CCDC148: variants seen among roughly 807,000 people sequenced by gnomAD.
CCDC148 encodes coiled-coil domain-containing protein 148.
CCDC148 carries 89 observed loss-of-function variants against 85.7 expected under a neutral mutation model. That is an observed-to-expected ratio of 1.04 (90% CI 0.87 to 1.24). The LOEUF (loss-of-function observed/expected upper bound fraction) is 1.24. Among genes scored for constraint, CCDC148 ranks in the 50% most tolerant of loss-of-function variants. The pLI, the probability that CCDC148 is intolerant of heterozygous loss-of-function variation, is 0.00. For missense variants in CCDC148, 692 were observed against 671.7 expected (o/e 1.03, Z -0.33); for synonymous variants, 230 against 213.9 (o/e 1.08, Z -0.66).
Position 158,244,921 on chromosome 2 carries a change from T to A in CCDC148, c.1251+5851A>T, listed in dbSNP as rs914817541. 1.3e-4 allele frequency among the ~76,000 whole-genome samples: 20 copies of A among 152,306 alleles called. 1 individual carries two copies. Among genetic ancestry groups the A allele is most frequent in the Middle Eastern group, 6.8e-3 (2 of 292 alleles). ...CAGAGTTTAAAGCCTGGGAATTTTT[T>A]AAAAAATCATTCTTCTGTGCTCACC... On this transcript the variant is annotated intron_variant, in intron 10 of 13. Coordinates refer to ENST00000283233, the MANE Select transcript of CCDC148 (RefSeq NM_138803.4).
Position 158,281,421 on chromosome 2 carries a change from G to A in CCDC148, c.1110+28012C>T, listed in dbSNP as rs559114207. On this transcript the variant is annotated intron_variant, in intron 9 of 13. Transcript: ENST00000283233. ...GAAAAGAGAGAAGAATCAAATAGACGCAATAAAAAATGATAAAGGGGATAT... is the reference window on the plus strand; with the variant it reads ...GAAAAGAGAGAAGAATCAAATAGACACAATAAAAAATGATAAAGGGGATAT... Among the ~76,000 whole-genome samples the A allele has an allele frequency of 4.1e-3, 620 of 152,052 alleles. 3 individuals carry two copies. The highest frequency in any genetic ancestry group is 0.013 in the African/African-American group (541 of 41,478).
At chr2:158,318,310 G>A (rs1396260859) in intron 7 of CCDC148, among the ~76,000 whole-genome samples, 1 of 152,132 alleles carries the variant, frequency 6.6e-6, no homozygotes, top group Non-Finnish European at 1.5e-5. Flanking sequence ...GGCTCTACCA[G>A]TCTGGCTACT....
intron 2 of CCDC148, among the ~76,000 whole-genome samples, chr2:158,351,714 G>A (rs1158276852): frequency 4.6e-5 from 7 of 152,156 alleles, no homozygotes; most frequent in South Asian, 4.2e-4. Flanking sequence ...CCAACTGGGC[G>A]GAGCCCACCA....
In CCDC148 at chr2:158,406,615, T is replaced by TTTTTTTTCTGTTTTTTTTTTTG. The variant is rs1337404869; in HGVS notation, c.26-48046_26-48045insCAAAAAAAAAAACAGAAAAAAA. 1.5e-3 allele frequency among the ~76,000 whole-genome samples: 101 copies of TTTTTTTTCTGTTTTTTTTTTTG among 67,976 alleles called. 8 individuals carry two copies. Among genetic ancestry groups the TTTTTTTTCTGTTTTTTTTTTTG allele is most frequent in the Non-Finnish European group, 2.5e-3 (89 of 35,574 alleles). 44.6% of individuals were successfully genotyped at this position (67,976 alleles called of 152,430 possible). On this transcript the variant is annotated intron_variant, in intron 1 of 13. Coordinates refer to ENST00000283233, the MANE Select transcript of CCDC148 (RefSeq NM_138803.4). ...AGCCAGTTAAACAGATTAAATTTCT[T>TTTTTTTTCTGTTTTTTTTTTTG]TTTTTTTTTTTTTTTTTTTTTTTTT... is the stretch of plus-strand genomic sequence containing the variant.
chr2:158,321,886 A>G (rs1692535102), intron 7 of CCDC148, among the ~76,000 whole-genome samples: 1 of 152,164 alleles, frequency 6.6e-6, no homozygotes, highest in Admixed American at 6.6e-5. Context: ...CTCTTTTGGC[A>G]AAACTTTCAC....
intron 9 of CCDC148, among the ~76,000 whole-genome samples, chr2:158,292,324 C>T (rs1250839800): frequency 3.9e-5 from 6 of 152,132 alleles, no homozygotes; most frequent in Admixed American, 3.3e-4. Context: ...ACCAAGCAGG[C>T]ACCGGGTTCA....
chr2:158,209,798 G>C (rs749864798), intron 11 of CCDC148, among the ~76,000 whole-genome samples: 4 of 152,144 alleles, frequency 2.6e-5, no homozygotes, highest in Admixed American at 6.6e-5. Flanking sequence ...TGCCTTACAA[G>C]AGCTCCTGAA....
At chr2:158,225,731 GA>G (rs1164259017) in intron 10 of CCDC148, among the ~76,000 whole-genome samples, 2 of 152,182 alleles carry the variant, frequency 1.3e-5, no homozygotes, top group Non-Finnish European at 2.9e-5. Context: ...AATGAAGGCA[GA>G]AATAAAGATG....
intron 1 of CCDC148, among the ~76,000 whole-genome samples, chr2:158,428,235 T>C (rs954122202): frequency 3.9e-5 from 6 of 152,054 alleles, no homozygotes; most frequent in Non-Finnish European, 8.8e-5. Flanking sequence ...GTGGCAATGA[T>C]GAGAAGTAAA....
chr2:158,255,607 C>T (rs989114399), intron 9 of CCDC148, among the ~76,000 whole-genome samples: 47 of 151,546 alleles, frequency 3.1e-4, no homozygotes, highest in African/African-American at 1.1e-3. Context: ...AATATTAGTA[C>T]AATAGACTAA....
intron 1 of CCDC148, among the ~76,000 whole-genome samples, chr2:158,390,288 G>C (rs1320806126): frequency 6.6e-6 from 1 of 152,100 alleles, no homozygotes; most frequent in Non-Finnish European, 1.5e-5. Flanking sequence ...CAAAGGGATA[G>C]AAGGACCAAA....
At chr2:158,330,137 T>C (rs1413189904) in intron 7 of CCDC148, among the ~76,000 whole-genome samples, 1 of 152,208 alleles carries the variant, frequency 6.6e-6, no homozygotes, top group Admixed American at 6.5e-5. Flanking sequence ...TGATATTGGC[T>C]GTGGGTTTGT....
At chr2:158,389,588 A>G (rs541893546) in intron 1 of CCDC148, among the ~76,000 whole-genome samples, 58 of 152,336 alleles carry the variant, frequency 3.8e-4, no homozygotes, top group African/African-American at 1.3e-3. Flanking sequence ...TCTTCATTTT[A>G]AAATCATTTC....
intron 9 of CCDC148, among the ~76,000 whole-genome samples, chr2:158,271,350 T>A (rs1689690592): frequency 6.6e-6 from 1 of 152,182 alleles, no homozygotes. Context: ...GTTAGAAACA[T>A]ATTAAATGGA....
chr2:158,349,562 TA>T (rs1189564168), intron 2 of CCDC148, among the ~76,000 whole-genome samples: 3 of 152,018 alleles, frequency 2.0e-5, no homozygotes, highest in Non-Finnish European at 4.4e-5. Context: ...GAGTTGTATT[TA>T]ATTTCCAGTT....
intron 9 of CCDC148, among the ~76,000 whole-genome samples, chr2:158,268,259 T>C (rs892913736): frequency 6.6e-6 from 1 of 152,136 alleles, no homozygotes; most frequent in Non-Finnish European, 1.5e-5. Flanking sequence ...TGTCAGAGTT[T>C]GGAGGGCTAG....
intron 1 of CCDC148, among the ~76,000 whole-genome samples, chr2:158,417,244 C>A (rs949125653): frequency 6.6e-6 from 1 of 152,156 alleles, no homozygotes; most frequent in African/African-American, 2.4e-5. Flanking sequence ...TCTTTGGAAC[C>A]CAAACACTTT....
chr2:158,271,791 A>G (rs2602203), intron 9 of CCDC148, among the ~76,000 whole-genome samples: 138,818 of 152,120 alleles, frequency 0.91, 63,437 homozygotes, highest in East Asian at 0.98. Context: ...GATAAGGGGG[A>G]ACTATTATAG....
At chr2:158,209,381 A>T (rs1406853676) in intron 11 of CCDC148, among the ~76,000 whole-genome samples, 8 of 152,210 alleles carry the variant, frequency 5.3e-5, no homozygotes, top group Non-Finnish European at 1.0e-4. Flanking sequence ...ACTTAAAACT[A>T]CTTAGTAAAA....
Sources: gnomAD v4.1 joint callset for allele counts (sites outside exome capture counted in the v4.1 genomes callset) on GRCh38, gnomAD v4.1.1 for gene constraint, MANE v1.5 for transcripts, NCBI Gene and HGNC (gene_info 2026-07-23, HGNC 2026-07-21) for gene names.